The following NRBF2 variants were observed in gnomAD, a reference collection of about 807,000 sequenced individuals.
NRBF2 encodes nuclear receptor binding factor 2, also known as nuclear receptor-binding factor 2.
NRBF2 carries 12 observed loss-of-function variants against 28.5 expected under a neutral mutation model. The ratio of observed to expected loss-of-function variants is 0.42; its 90% CI spans 0.27 to 0.68. The LOEUF (loss-of-function observed/expected upper bound fraction) is 0.68, where lower values mean the gene tolerates loss of function less well. Ranked by LOEUF, NRBF2 falls within the 30% of genes least tolerant of loss-of-function variation. NRBF2 has a pLI of 0.24. For missense variants in NRBF2, 274 were observed against 333.5 expected (o/e 0.82, Z 1.39); for synonymous variants, 102 against 116.5 (o/e 0.88, Z 0.80).
Position 63,152,166 on chromosome 10 carries a change from C to T in NRBF2, c.132C>T (p.Ala44=). 6.2e-7 allele frequency: 1 copy of T among 1,613,484 alleles called. No homozygotes were observed. The highest frequency in any genetic ancestry group is 8.5e-7 in the Non-Finnish European group (1 of 1,179,582). The change falls in exon 3 of 4, where the codon GCC becomes GCT. Residue 44 remains alanine (A), a synonymous_variant. Transcript: ENST00000277746. ...TCTTAACAGCATATCTTTCTGAAGC[C>T]ATGAAGCTGACACAGTCAGAGCAGG... is the stretch of plus-strand genomic sequence containing the variant. ...HKKAAAYLSE[A]MKLTQSEQAH...
At chr10:63,143,586 G>C (rs1199779669) in intron 1 of NRBF2, among the ~76,000 whole-genome samples, 4 of 151,470 alleles carry the variant, frequency 2.6e-5, no homozygotes, top group Non-Finnish European at 5.9e-5. Context: ...TCAGCCTCCC[G>C]AGTAGCTGGG....
Position 63,154,147 on chromosome 10 carries a change from G to T in NRBF2, c.793G>T (p.Asp265Tyr), listed in dbSNP as rs773140211. ...TCCAATCCCCAATCTTCCTCCCTTGGATTTTCCATCTCCAGAACTTCCTCT... is the reference window on the plus strand; with the variant it reads ...TCCAATCCCCAATCTTCCTCCCTTGTATTTTCCATCTCCAGAACTTCCTCT... ...DIPIPNLPPL[D>Y]FPSPELPLME... Residue 265 changes from aspartate to tyrosine, a missense_variant, in exon 4 of 4, where the codon GAT (aspartate) becomes TAT (tyrosine). Coordinates refer to ENST00000277746, the MANE Select transcript of NRBF2 (RefSeq NM_030759.5). The T allele has an allele frequency of 1.2e-6, 2 of 1,613,598 alleles. No individual in the cohort carries two copies. The highest frequency in any genetic ancestry group is 2.7e-5 in the African/African-American group (2 of 74,890).
intron 1 of NRBF2, among the ~76,000 whole-genome samples, chr10:63,137,374 A>G (rs1841392581): frequency 6.6e-6 from 1 of 152,236 alleles, no homozygotes; most frequent in South Asian, 2.1e-4. Flanking sequence ...CTGGTAACAA[A>G]TGTCAAAACT....
intron 2 of NRBF2, among the ~76,000 whole-genome samples, chr10:63,146,509 C>T (rs918973234): frequency 6.6e-6 from 1 of 152,186 alleles, no homozygotes; most frequent in Non-Finnish European, 1.5e-5. Context: ...GTAAACAGTT[C>T]CTGGATACAG....
Position 63,153,868 on chromosome 10 carries a change from G to A in NRBF2, c.514G>A (p.Ala172Thr). The change falls in exon 4 of 4, where the codon GCA (alanine) becomes ACA (threonine). Residue 172 changes from alanine (A) to threonine (T), a missense_variant. Physicochemically the swap from Ala to Thr is moderately conservative, Grantham distance 58. Coordinates refer to ENST00000277746, the MANE Select transcript of NRBF2 (RefSeq NM_030759.5). Reference protein sequence around the residue: ...KDDKTIIEEQATKIADLKRHV... With the variant: ...KDDKTIIEEQTTKIADLKRHV... ...TGATAAAACAATTATAGAGGAGCAGGCAACCAAAATTGCAGATTTGAAGAG... is the reference window on the plus strand; with the variant it reads ...TGATAAAACAATTATAGAGGAGCAGACAACCAAAATTGCAGATTTGAAGAG... 1.9e-6 allele frequency: 3 copies of A among 1,612,146 alleles called. No homozygotes were observed. Among genetic ancestry groups the A allele is most frequent in the Non-Finnish European group, 2.5e-6 (3 of 1,179,768 alleles).
chr10:63,137,209 A>G (rs974172356), intron 1 of NRBF2, among the ~76,000 whole-genome samples: 8 of 152,192 alleles, frequency 5.3e-5, no homozygotes, highest in African/African-American at 1.9e-4. Flanking sequence ...TCCTGGCCTC[A>G]AGCAATCTTC....
chr10:63,136,137 T>A (rs915238638), intron 1 of NRBF2, among the ~76,000 whole-genome samples: 1 of 151,000 alleles, frequency 6.6e-6, no homozygotes, highest in African/African-American at 2.4e-5. Flanking sequence ...TTTTTTTTTT[T>A]TTTTTTCTTT....
intron 1 of NRBF2, among the ~76,000 whole-genome samples, chr10:63,142,800 T>TTTTTTTTTTA (rs71025115): frequency 7.2e-6 from 1 of 138,636 alleles, no homozygotes; most frequent in Non-Finnish European, 1.5e-5. Context: ...TTTTTTTTTT[T>TTTTTTTTTTA]GAGGCTGTCT....
At chr10:63,150,388 C>A in intron 2 of NRBF2, 2 of 976,360 alleles carry the variant, frequency 2.0e-6, no homozygotes, top group Non-Finnish European at 2.4e-6. Context: ...ACTGTATAAC[C>A]AACTCTGTTT....
chr10:63,154,360 C>T lies in NRBF2; in HGVS notation c.*142C>T, dbSNP rs941030910. 4.9e-6 allele frequency: 3 copies of T among 610,932 alleles called. No homozygotes were observed. Among genetic ancestry groups the T allele is most frequent in the Admixed American group, 6.5e-5 (2 of 30,988 alleles). The allele number at this position is 610,932 out of a possible 1,614,324, so 37.8% of individuals were successfully genotyped here. A position where few individuals can be genotyped will look rare whatever the true frequency, so the allele number is the denominator to read the frequency against. ...GTGGACTGTGGGAGCAGAGGCATTGCCAGGACTTGGGAAACAGTCACTGTG... is the reference window on the plus strand; with the variant it reads ...GTGGACTGTGGGAGCAGAGGCATTGTCAGGACTTGGGAAACAGTCACTGTG... On this transcript the variant is annotated 3_prime_UTR_variant, in exon 4 of 4. Transcript: ENST00000277746.
intron 2 of NRBF2, among the ~76,000 whole-genome samples, chr10:63,149,456 G>A (rs1037750187): frequency 2.6e-5 from 4 of 152,130 alleles, no homozygotes; most frequent in Non-Finnish European, 4.4e-5. Flanking sequence ...TTTTAGCCTC[G>A]TGTCATAATT....
chr10:63,135,729 C>T (rs971251979), intron 1 of NRBF2, among the ~76,000 whole-genome samples: 7 of 151,650 alleles, frequency 4.6e-5, no homozygotes, highest in African/African-American at 1.7e-4. Flanking sequence ...TCACTGCAAC[C>T]TCCGACTCCC....
Position 63,134,965 on chromosome 10 carries a change from A to C in NRBF2, c.30+1465A>C, listed in dbSNP as rs1024520810. ...CACTTTGGGAGGCCGAGGCGGGCGAATCACTTGAGCTTAGAAGTTCGAGAC... is the reference window on the plus strand; with the variant it reads ...CACTTTGGGAGGCCGAGGCGGGCGACTCACTTGAGCTTAGAAGTTCGAGAC... On this transcript the variant is annotated intron_variant, in intron 1 of 3. Coordinates refer to ENST00000277746, the MANE Select transcript of NRBF2 (RefSeq NM_030759.5). 2.0e-5 allele frequency among the ~76,000 whole-genome samples: 3 copies of C among 152,288 alleles called. No individual in the cohort carries two copies. The East Asian group carries it at 5.8e-4, about 29-fold the overall frequency.
intron 3 of NRBF2, 89 bp from the exon 4 acceptor site, chr10:63,153,422 A>T: frequency 1.0e-6 from 1 of 994,818 alleles, no homozygotes; most frequent in Non-Finnish European, 1.5e-6. Context: ...GTGTTGGGTT[A>T]TTCACAAAGG....
In NRBF2 at chr10:63,154,078, A is replaced by C. The variant is rs756654828; in HGVS notation, c.724A>C (p.Thr242Pro). The change falls in exon 4 of 4, where the codon ACC (threonine) becomes CCC (proline). Residue 242 changes from threonine to proline, a missense_variant. Thr to Pro is a conservative substitution (Grantham distance 38). Coordinates refer to ENST00000277746, the MANE Select transcript of NRBF2 (RefSeq NM_030759.5). Reference sequence around the variant, plus strand: ...TGCAGAAACTGCTACAGCCTCCTCAACCTGGCAGAAGTTCGCAGCAAATAC... The same window carrying C: ...TGCAGAAACTGCTACAGCCTCCTCACCCTGGCAGAAGTTCGCAGCAAATAC... ...PHAETATASS[T>P]WQKFAANTGK... The C allele has an allele frequency of 6.2e-7, 1 of 1,613,834 alleles. No individual in the cohort carries two copies. Among genetic ancestry groups the C allele is most frequent in the Non-Finnish European group, 8.5e-7 (1 of 1,179,860 alleles).
intron 1 of NRBF2, among the ~76,000 whole-genome samples, chr10:63,142,311 G>T (rs7098412): frequency 0.66 from 93,935 of 142,086 alleles, 33,559 homozygotes; most frequent in Non-Finnish European, 0.81. Flanking sequence ...TGTTTTTTTT[G>T]TTTTTTTTTG....
intron 2 of NRBF2, among the ~76,000 whole-genome samples, chr10:63,149,273 C>A (rs914239367): frequency 6.6e-6 from 1 of 152,174 alleles, no homozygotes; most frequent in Non-Finnish European, 1.5e-5. Flanking sequence ...TGCGCCATCA[C>A]ACTTGGCTGA....
chr10:63,151,655 C>T lies in NRBF2; in HGVS notation c.116-495C>T, dbSNP rs192643589. Among the ~76,000 whole-genome samples, 14 of 152,218 alleles carry T rather than the reference C, an allele frequency of 9.2e-5. No individual in the cohort carries two copies. The East Asian group carries it at 2.5e-3, about 27-fold the overall frequency. On this transcript the variant is annotated intron_variant, in intron 2 of 3. Coordinates refer to ENST00000277746, the MANE Select transcript of NRBF2 (RefSeq NM_030759.5). ...ATTATACTGTCCTCAGTAACTTCCTCGCAGTAAATATGTCAACAAGTTCTT... is the reference window on the plus strand; with the variant it reads ...ATTATACTGTCCTCAGTAACTTCCTTGCAGTAAATATGTCAACAAGTTCTT...
intron 1 of NRBF2, among the ~76,000 whole-genome samples, chr10:63,139,095 CG>C (rs1841422846): frequency 2.0e-5 from 3 of 152,126 alleles, no homozygotes. Flanking sequence ...CCACAACCTC[CG>C]CCTCCGGGGT....
Sources: allele counts gnomAD v4.1 joint callset (sites outside exome capture counted in the v4.1 genomes callset), GRCh38; gene constraint gnomAD v4.1.1; transcripts MANE v1.5; gene names NCBI Gene and HGNC (gene_info 2026-07-23, HGNC 2026-07-21).